The following DISC1 variants were observed in gnomAD, a reference collection of about 807,000 sequenced individuals.
DISC1 encodes the protein disrupted in schizophrenia 1 protein.
A neutral mutation model predicts 84.5 loss-of-function variants in DISC1; 57 were observed. The observed-to-expected ratio is 0.67, with a 90% CI of 0.55 to 0.84. The LOEUF is 0.84. Among genes scored for constraint, DISC1 ranks in the 40% least tolerant of loss-of-function variants. The pLI, the probability that DISC1 is intolerant of heterozygous loss-of-function variation, is 0.00. For missense variants in DISC1, 1,000 were observed against 1,057.8 expected, an observed-to-expected ratio of 0.95 and a Z score of 0.76; for synonymous variants, 411 against 415.2, an observed-to-expected ratio of 0.99 and a Z score of 0.12.
rs2090877988 is a variant in DISC1 at position 231,934,753 on chromosome 1, T to C, written c.1982-24075T>C. Among the ~76,000 whole-genome samples the C allele has an allele frequency of 2.6e-5, 4 of 152,220 alleles. No homozygotes were observed. The South Asian group carries it at 8.3e-4, about 32-fold the overall frequency. The stretch of plus-strand genomic sequence containing the variant: ...TTGATCAGGTGGACAAATTGTTCCA[T>C]TTCATAGTTACACCCTGACTTCCAT... On this transcript the variant is annotated intron_variant, in intron 9 of 12. Transcript: ENST00000439617.
chr1:231,818,748 T>A, intron 9 of DISC1: 4 of 1,379,480 alleles, frequency 2.9e-6, no homozygotes, highest in Non-Finnish European at 3.7e-6. Flanking sequence ...TTCTGTTCCC[T>A]GTCTCAACCT....
intron 1 of DISC1, among the ~76,000 whole-genome samples, chr1:231,627,347 C>A (rs1213965575): frequency 2.0e-5 from 3 of 152,234 alleles, no homozygotes; most frequent in Admixed American, 6.5e-5. Flanking sequence ...TGCGCCCCCT[C>A]GGGACAGGGG....
intron 9 of DISC1, among the ~76,000 whole-genome samples, chr1:231,925,596 C>T (rs2090315290): frequency 2.6e-5 from 4 of 152,304 alleles, no homozygotes; most frequent in South Asian, 4.2e-4. Context: ...AGTCCAAATC[C>T]TAACCCCTGA....
rs372836828 is a variant in DISC1, at chr1:231,873,316, A to T, written c.1981+54799A>T. On this transcript the variant is annotated intron_variant, in intron 9 of 12. Coordinates refer to ENST00000439617, the MANE Select transcript of DISC1 (RefSeq NM_018662.3). ...GGCTACTAATCTCCATTTCAAAGCCAAGAAGAGGTCATCGATTTATAGTAG... is the reference window on the plus strand; with the variant it reads ...GGCTACTAATCTCCATTTCAAAGCCTAGAAGAGGTCATCGATTTATAGTAG... Among the ~76,000 whole-genome samples the T allele has an allele frequency of 3.9e-5, 6 of 152,224 alleles. No individual in the cohort carries two copies. In the East Asian group the frequency reaches 1.2e-3, roughly 29 times the overall value.
At chr1:231,917,616 C>T (rs1202194204) in intron 9 of DISC1, among the ~76,000 whole-genome samples, 1 of 152,184 alleles carries the variant, frequency 6.6e-6, no homozygotes, top group Non-Finnish European at 1.5e-5. Flanking sequence ...TTCCTTCCTG[C>T]TCTGGATCTT....
At chr1:231,650,188 C>T (rs2060495482) in intron 1 of DISC1, among the ~76,000 whole-genome samples, 1 of 152,202 alleles carries the variant, frequency 6.6e-6, no homozygotes, top group African/African-American at 2.4e-5. Flanking sequence ...CATGTTTTTG[C>T]AGTGGCTGGT....
At chr1:232,022,604 C>T (rs1669065812) in intron 11 of DISC1, among the ~76,000 whole-genome samples, 1 of 152,172 alleles carries the variant, frequency 6.6e-6, no homozygotes, top group African/African-American at 2.4e-5. Flanking sequence ...CCGCACCCAG[C>T]CAATACCCAT....
At chr1:231,981,471 A>G (rs1488018921) in intron 10 of DISC1, among the ~76,000 whole-genome samples, 1 of 152,184 alleles carries the variant, frequency 6.6e-6, no homozygotes, top group Non-Finnish European at 1.5e-5. Flanking sequence ...GTTCATACTG[A>G]TCCTCAACTG....
intron 9 of DISC1, among the ~76,000 whole-genome samples, chr1:231,924,817 T>C (rs1412723795): frequency 1.3e-5 from 2 of 151,874 alleles, no homozygotes; most frequent in South Asian, 4.2e-4. Context: ...CCACCATGCC[T>C]GGCTAATTTT....
chr1:231,797,892 G>A (rs1338783421), intron 7 of DISC1, among the ~76,000 whole-genome samples: 1 of 152,078 alleles, frequency 6.6e-6, no homozygotes, highest in East Asian at 1.9e-4. Context: ...CCGGGGATGT[G>A]TATGTGTGTG....
intron 6 of DISC1, among the ~76,000 whole-genome samples, chr1:231,789,262 T>C (rs140617718): frequency 0.02 from 3,008 of 152,216 alleles, 46 homozygotes; most frequent in Admixed American, 0.029. Context: ...GTCAAGGCAG[T>C]GGACCCTGCA....
At position 231,630,229 on chromosome 1, in the gene DISC1, C is replaced by T. The variant is rs1276957753; in HGVS notation, c.67+3295C>T. Among the ~76,000 whole-genome samples the T allele has an allele frequency of 6.6e-6, 1 of 152,084 alleles. No homozygotes were observed. The highest frequency in any genetic ancestry group is 2.4e-5 in the African/African-American group (1 of 41,402). ...CAGGCATGAGCCACTGCGCCGGGCC[C>T]TTTAAACAAGATTTAAAGACCAGCA... On this transcript the variant is annotated intron_variant, in intron 1 of 12. Coordinates refer to ENST00000439617, the MANE Select transcript of DISC1 (RefSeq NM_018662.3). This position sits in a 1 kb window ranked among gnomAD's most constrained non-coding sequence, Gnocchi z 4.4.
intron 11 of DISC1, among the ~76,000 whole-genome samples, chr1:232,023,523 C>T (rs1317820141): frequency 6.6e-6 from 1 of 152,072 alleles, no homozygotes. Context: ...AAGATATGAA[C>T]AATTTAAAGC....
Position 232,036,841 on chromosome 1 carries a change from G to T in DISC1, c.*10G>T, listed in dbSNP as rs1264778751. 1.3e-6 allele frequency: 2 copies of T among 1,538,696 alleles called. No individual in the cohort carries two copies. Among genetic ancestry groups the T allele is most frequent in the East Asian group, 4.7e-5 (2 of 42,588 alleles). The stretch of plus-strand genomic sequence containing the variant: ...CGAAGCACAAGCCTGAGGAGTGACG[G>T]GATGGGGGAGGGAGGTGGGCCACCA... On this transcript the variant is annotated 3_prime_UTR_variant, in exon 13 of 13. Transcript: ENST00000439617.
At chr1:231,695,421 T>G (rs1420435596) in intron 2 of DISC1, among the ~76,000 whole-genome samples, 1 of 152,228 alleles carries the variant, frequency 6.6e-6, no homozygotes, top group Non-Finnish European at 1.5e-5. Context: ...AGGCCCAGCC[T>G]TATGATGATG....
chr1:231,695,232 C>T (rs777383672), intron 2 of DISC1, among the ~76,000 whole-genome samples: 6 of 152,236 alleles, frequency 3.9e-5, no homozygotes, highest in Non-Finnish European at 8.8e-5. Flanking sequence ...CACTCATTCC[C>T]TTCCATCCTG....
At chr1:231,695,179 T>C (rs575885502) in intron 2 of DISC1, among the ~76,000 whole-genome samples, 2 of 152,144 alleles carry the variant, frequency 1.3e-5, no homozygotes, top group Non-Finnish European at 2.9e-5. Flanking sequence ...GATACAAAAA[T>C]GGGGATGCCC....
At chr1:231,639,042 A>G (rs906407518) in intron 1 of DISC1, among the ~76,000 whole-genome samples, 1 of 152,214 alleles carries the variant, frequency 6.6e-6, no homozygotes, top group Non-Finnish European at 1.5e-5. Context: ...CATGTGTAAT[A>G]TAGCCACCAT....
intron 3 of DISC1, among the ~76,000 whole-genome samples, chr1:231,730,715 A>G (rs2793102): frequency 0.74 from 113,004 of 152,090 alleles, 42,389 homozygotes; most frequent in Middle Eastern, 0.83. Flanking sequence ...TGCTATAAAG[A>G]ATTATTCTTT....
Sources: gnomAD v4.1 joint callset for allele counts (sites outside exome capture counted in the v4.1 genomes callset) on GRCh38, gnomAD v4.1.1 for gene constraint, Gnocchi (gnomAD v3.1) non-coding constraint, MANE v1.5 for transcripts, NCBI Gene and HGNC (gene_info 2026-07-23, HGNC 2026-07-21) for gene names.